Variants in PAX2 observed in about 807,000 individuals in gnomAD.
PAX2 encodes paired box protein Pax-2.
Under a neutral mutation model 41.7 loss-of-function variants are expected in PAX2, and 9 were observed. The ratio of observed to expected loss-of-function variants is 0.22; its 90% CI spans 0.13 to 0.38. PAX2 has a LOEUF of 0.38. Ranked by LOEUF, PAX2 falls within the 10% of genes least tolerant of loss-of-function variation. PAX2 has a pLI of 1.00. For missense variants in PAX2, 418 were observed against 531.6 expected, an observed-to-expected ratio of 0.79 and a Z score of 2.10; for synonymous variants, 221 against 212.7, an observed-to-expected ratio of 1.04 and a Z score of -0.34.
chr10:100,820,144 A>G (rs975089758), intron 7 of PAX2, among the ~76,000 whole-genome samples: 1 of 152,218 alleles, frequency 6.6e-6, no homozygotes, highest in Non-Finnish European at 1.5e-5. Flanking sequence ...GACTTTTGGC[A>G]TCGGGATTTT....
chr10:100,785,260 G>A (rs1469246360), intron 5 of PAX2, among the ~76,000 whole-genome samples: 1 of 152,186 alleles, frequency 6.6e-6, no homozygotes, highest in Non-Finnish European at 1.5e-5. Flanking sequence ...TTTCGGCTGG[G>A]GCCCAAAACA....
At chr10:100,756,755 G>A (rs989867275) in intron 3 of PAX2, among the ~76,000 whole-genome samples, 2 of 152,172 alleles carry the variant, frequency 1.3e-5, no homozygotes, top group East Asian at 1.9e-4. Flanking sequence ...ATGCTCATCC[G>A]ACCTGCCAGT....
At chr10:100,792,956 A>C (rs1589862501) in intron 5 of PAX2, among the ~76,000 whole-genome samples, 1 of 152,228 alleles carries the variant, frequency 6.6e-6, no homozygotes, top group Non-Finnish European at 1.5e-5. Flanking sequence ...TGATGCAGTC[A>C]TTTGCAACCC....
chr10:100,747,655 G>A lies in PAX2; in HGVS notation c.43+1352G>A, dbSNP rs549821146. 2.4e-5 allele frequency: 24 copies of A among 984,578 alleles called. No homozygotes were observed. In the South Asian group the frequency reaches 8.5e-4, roughly 35 times the overall value. 61.0% of individuals were successfully genotyped at this position (984,578 alleles called of 1,614,324 possible). A position where few individuals can be genotyped will look rare whatever the true frequency, so the allele number is the denominator to read the frequency against. ...GTTTTTCGCTAATCATATATTTAGC[G>A]TTGCGGGGGTTGGGGGGGGCGTTTA... On this transcript the variant is annotated intron_variant, in intron 1 of 9. Coordinates refer to ENST00000355243, the MANE Select transcript of PAX2 (RefSeq NM_000278.5).
Position 100,803,916 on chromosome 10 carries a change from G to A in PAX2, c.617-2514G>A, listed in dbSNP as rs114246233. Reference sequence around the variant, plus strand: ...AATAAATAAATAAATAAAAAGGTCAGTGAGTGGAGGGAGCAGCAATAACCC... The same window carrying A: ...AATAAATAAATAAATAAAAAGGTCAATGAGTGGAGGGAGCAGCAATAACCC... On this transcript the variant is annotated intron_variant, in intron 5 of 9. Coordinates refer to ENST00000355243, the MANE Select transcript of PAX2 (RefSeq NM_000278.5). Among the ~76,000 whole-genome samples the A allele has an allele frequency of 4.8e-3, 730 of 152,288 alleles. 6 individuals are homozygous for A. Among genetic ancestry groups the A allele is most frequent in the African/African-American group, 0.017 (695 of 41,556 alleles).
At position 100,792,679 on chromosome 10, in the gene PAX2, C is replaced by T. The variant is rs556955143; in HGVS notation, c.616+11314C>T. Among the ~76,000 whole-genome samples, 3 of 152,312 alleles carry T rather than the reference C, an allele frequency of 2.0e-5. No individual in the cohort carries two copies. In the South Asian group the frequency reaches 6.2e-4, roughly 32 times the overall value. ...AGGTGCTAGGCACAGGAGGCAGAAA[C>T]TGGCCAAGGATGGCGTTGGTCCTTT... On this transcript the variant is annotated intron_variant, in intron 5 of 9. Transcript: ENST00000355243.
chr10:100,769,677 T>TAAAAAAC (rs1846147736), intron 3 of PAX2, among the ~76,000 whole-genome samples: 1 of 135,504 alleles, frequency 7.4e-6, no homozygotes, highest in Non-Finnish European at 1.6e-5. Flanking sequence ...AATAAAAAAA[T>TAAAAAAC]AAAAAACAAA....
At chr10:100,783,181 T>C (rs183001207) in intron 5 of PAX2, among the ~76,000 whole-genome samples, 4 of 152,394 alleles carry the variant, frequency 2.6e-5, no homozygotes, top group Admixed American at 2.6e-4. Flanking sequence ...GCCTTCATTG[T>C]TTCTAATCAA....
At chr10:100,753,875 C>CCT (rs1705776876) in intron 3 of PAX2, among the ~76,000 whole-genome samples, 1 of 152,210 alleles carries the variant, frequency 6.6e-6, no homozygotes, top group Non-Finnish European at 1.5e-5. Flanking sequence ...CTCAGAAATG[C>CCT]CTCTCTGAAC....
chr10:100,805,833 G>C (rs1034645889), intron 5 of PAX2, among the ~76,000 whole-genome samples: 3 of 152,182 alleles, frequency 2.0e-5, no homozygotes, highest in African/African-American at 7.2e-5. Context: ...CCTCCCGCTT[G>C]GTTTCCCTCT....
chr10:100,754,531 G>C (rs1451035722), intron 3 of PAX2, among the ~76,000 whole-genome samples: 1 of 152,210 alleles, frequency 6.6e-6, no homozygotes, highest in African/African-American at 2.4e-5. Context: ...TCTCCTAGCA[G>C]TGGCAACCCA....
Position 100,750,964 on chromosome 10 carries a change from C to T in PAX2, c.410+73C>T. The T allele has an allele frequency of 8.8e-7, 1 of 1,141,304 alleles. No homozygotes were observed. Among genetic ancestry groups the T allele is most frequent in the Non-Finnish European group, 1.3e-6 (1 of 755,596 alleles). The allele number at this position is 1,141,304 out of a possible 1,614,324, so 70.7% of individuals were successfully genotyped here. A position where few individuals can be genotyped will look rare whatever the true frequency, so the allele number is the denominator to read the frequency against. On this transcript the variant is annotated intron_variant, in intron 3 of 9. Transcript: ENST00000355243. The surrounding 1 kb of genome is among the most constrained non-coding windows in gnomAD (Gnocchi z 4.1). Reference sequence around the variant, plus strand: ...CCTGCCTGCAGGGGTGTCCCACGCCCAGTCTCTGCTCTTTGTCCAGCCTCT... The same window carrying T: ...CCTGCCTGCAGGGGTGTCCCACGCCTAGTCTCTGCTCTTTGTCCAGCCTCT...
At chr10:100,735,804 G>T (rs1258873295) in intron 1 of PAX2, 2 of 947,870 alleles carry the variant, frequency 2.1e-6, no homozygotes, top group Non-Finnish European at 2.6e-6. Context: ...GGCCATGGCC[G>T]GGGCGGGCTC....
chr10:100,792,170 A>T lies in PAX2; in HGVS notation c.616+10805A>T, dbSNP rs78453701. On this transcript the variant is annotated intron_variant, in intron 5 of 9. Coordinates refer to ENST00000355243, the MANE Select transcript of PAX2 (RefSeq NM_000278.5). ...GTAATTCAAAGGAAATAAGTGGTTGACAATGTTAAAGTATGAAAGCTCACA... is the reference window on the plus strand; with the variant it reads ...GTAATTCAAAGGAAATAAGTGGTTGTCAATGTTAAAGTATGAAAGCTCACA... Among the ~76,000 whole-genome samples, 264 of 152,358 alleles carry T rather than the reference A, an allele frequency of 1.7e-3. 6 individuals are homozygous for T. The East Asian group carries it at 0.046, about 27-fold the overall frequency.
intron 6 of PAX2, among the ~76,000 whole-genome samples, chr10:100,808,541 T>C (rs924738887): frequency 9.2e-5 from 14 of 152,162 alleles, no homozygotes; most frequent in Non-Finnish European, 2.9e-5. Context: ...TCAGAGTCAA[T>C]GACTGGCCCC....
intron 5 of PAX2, 151 bp downstream of exon 5, chr10:100,781,516 G>C (rs1846624937): frequency 1.2e-6 from 1 of 855,504 alleles, no homozygotes; most frequent in African/African-American, 1.7e-5. Flanking sequence ...CTGGCTCCTG[G>C]AGAGAGGGAG....
chr10:100,741,424 A>C (rs1215917089), upstream of PAX2, among the ~76,000 whole-genome samples: 3 of 151,044 alleles, frequency 2.0e-5, no homozygotes, highest in Admixed American at 1.3e-4. Context: ...AAAAAAAAAA[A>C]AAAAAACCAT....
intron 1 of PAX2, among the ~76,000 whole-genome samples, chr10:100,736,155 A>T (rs1301912405): frequency 6.6e-6 from 1 of 152,114 alleles, no homozygotes; most frequent in Non-Finnish European, 1.5e-5. Context: ...CTCTGTGTGT[A>T]CCTGTGTGTA....
At chr10:100,787,578 C>G (rs1475265462) in intron 5 of PAX2, among the ~76,000 whole-genome samples, 1 of 152,090 alleles carries the variant, frequency 6.6e-6, no homozygotes. Context: ...TTCCTCACTG[C>G]TGCCCGCCTC....
Sources: allele counts gnomAD v4.1 joint callset (sites outside exome capture counted in the v4.1 genomes callset), GRCh38; gene constraint gnomAD v4.1.1; non-coding constraint Gnocchi (gnomAD v3.1); transcripts MANE v1.5; gene names NCBI Gene and HGNC (gene_info 2026-07-23, HGNC 2026-07-21).